The following HMCN2 variants were observed in gnomAD, a reference collection of about 807,000 sequenced individuals.
HMCN2 encodes the protein hemicentin-2.
HMCN2 carries 325 observed loss-of-function variants against 377.5 expected under a neutral mutation model. The ratio of observed to expected loss-of-function variants is 0.86; its 90% CI spans 0.79 to 0.94. The LOEUF (loss-of-function observed/expected upper bound fraction) is 0.94, where lower values mean the gene tolerates loss of function less well. HMCN2 is among the 40% of genes least tolerant of loss of function. HMCN2 has a pLI of 0.00. For synonymous variants in HMCN2, 2,007 were observed against 2,046.8 expected, an observed-to-expected ratio of 0.98 and a Z score of 0.53; for missense variants, 4,543 against 4,725.3, an observed-to-expected ratio of 0.96 and a Z score of 1.13.
chr9:130,387,058 C>T (rs1588368207), intron 61 of HMCN2, among the ~76,000 whole-genome samples: 1 of 152,186 alleles, frequency 6.6e-6, no homozygotes, highest in African/African-American at 2.4e-5. Flanking sequence ...ATGAAGGAGC[C>T]CTATGAGATC....
rs1309820367 is a variant in HMCN2, at chr9:130,344,171, T to A, written c.3829+1735T>A. On this transcript the variant is annotated intron_variant, in intron 25 of 97. Transcript: ENST00000683500. ...ACCATCACCCCTCCCGACCTGCAGC[T>A]CGGAAGGCCTGGCCCCCGGCGTGGC... Among the ~76,000 whole-genome samples, 10 of 152,220 alleles carry A rather than the reference T, an allele frequency of 6.6e-5. No individual in the cohort carries two copies. The South Asian group carries it at 1.0e-3, about 16-fold the overall frequency.
chr9:130,395,479 G>T, intron 71 of HMCN2, 132 bp downstream of exon 71: 3 of 747,084 alleles, frequency 4.0e-6, no homozygotes, highest in Non-Finnish European at 5.5e-6. Context: ...CCTGTTCCCC[G>T]GGTGTCATAC....
Position 130,364,829 on chromosome 9 carries a change from C to T in HMCN2, c.6348C>T (p.Asp2116=), listed in dbSNP as rs975767525. The change falls in exon 41 of 98, where the codon GAC becomes GAT. Residue 2116 remains aspartate (D), a synonymous_variant. Coordinates refer to ENST00000683500, the MANE Select transcript of HMCN2 (RefSeq NM_001291815.2). ...CTCCTGTGCTGAGCTGGTGGAAGGACGGGCGGCCCCTGGAACCACGGCCTG... is the reference window on the plus strand; with the variant it reads ...CTCCTGTGCTGAGCTGGTGGAAGGATGGGCGGCCCCTGGAACCACGGCCTG... ...MPPPVLSWWK[D]GRPLEPRPGV... The T allele has an allele frequency of 2.0e-5, 20 of 985,902 alleles. No homozygotes were observed. The highest frequency in any genetic ancestry group is 4.7e-5 in the South Asian group (1 of 21,290). 61.1% of individuals were successfully genotyped at this position (985,902 alleles called of 1,614,324 possible).
intron 19 of HMCN2, among the ~76,000 whole-genome samples, chr9:130,322,943 G>A (rs1458095760): frequency 3.3e-5 from 5 of 152,298 alleles, no homozygotes; most frequent in Admixed American, 6.5e-5. Context: ...GGAAGAACGC[G>A]CGTTCCCCAT....
In HMCN2 at chr9:130,357,995, G is replaced by GC; in HGVS notation, c.5580+8dup. ...CTTTGGGGGGAACCTACAGGTATGT[G>GC]CAGGGGCCCCAGGGCTGGCAAGCCA... On this transcript the variant is annotated splice_region_variant and intron_variant, in intron 35 of 97. Coordinates refer to ENST00000683500, the MANE Select transcript of HMCN2 (RefSeq NM_001291815.2). 7.7e-7 allele frequency: 1 copy of GC among 1,301,030 alleles called. No homozygotes were observed. The highest frequency in any genetic ancestry group is 1.2e-5 in the South Asian group (1 of 80,814). 80.6% of individuals were successfully genotyped at this position (1,301,030 alleles called of 1,614,324 possible). A position where few individuals can be genotyped will look rare whatever the true frequency, so the allele number is the denominator to read the frequency against.
At position 130,303,472 on chromosome 9, in the gene HMCN2, G is replaced by A. The variant is rs1554935282; in HGVS notation, c.1422-15G>A. ...TCAGTGTGATTGTGTGTCTCCCACT[G>A]TTCCCTGTTTGCAGGGAGTCGGGAA... On this transcript the variant is annotated splice_polypyrimidine_tract_variant and intron_variant, in intron 9 of 97. Transcript: ENST00000683500. This position sits in a 1 kb window ranked among gnomAD's most constrained non-coding sequence, Gnocchi z 5.2. The A allele has an allele frequency of 9.0e-6, 4 of 446,838 alleles. No homozygotes were observed. The highest frequency in any genetic ancestry group is 3.3e-4 in the Middle Eastern group (1 of 3,008). The allele number at this position is 446,838 out of a possible 1,614,324, so 27.7% of individuals were successfully genotyped here.
intron 43 of HMCN2, among the ~76,000 whole-genome samples, chr9:130,367,185 AG>A (rs1221593794): frequency 6.6e-6 from 1 of 152,138 alleles, no homozygotes; most frequent in Non-Finnish European, 1.5e-5. Flanking sequence ...GGGAGACCCC[AG>A]GGGCAGATAT....
chr9:130,408,087 T>C (rs1012584910), intron 83 of HMCN2, among the ~76,000 whole-genome samples: 1 of 152,152 alleles, frequency 6.6e-6, no homozygotes, highest in African/African-American at 2.4e-5. Context: ...CAGCCAGTTG[T>C]CCCCTATGAC....
Position 130,380,024 on chromosome 9 carries a change from C to T in HMCN2, c.8431+557C>T, listed in dbSNP as rs369240053. Among the ~76,000 whole-genome samples the T allele has an allele frequency of 1.7e-3, 254 of 152,168 alleles. 1 individual carries two copies. Among genetic ancestry groups the T allele is most frequent in the African/African-American group, 5.3e-3 (222 of 41,526 alleles). On this transcript the variant is annotated intron_variant, in intron 54 of 97. Transcript: ENST00000683500. Reference sequence around the variant, plus strand: ...CCAAGTAGCTGGGATTACAGGCATGCGCCACCACGCCTGGCTACTTTTTGT... The same window carrying T: ...CCAAGTAGCTGGGATTACAGGCATGTGCCACCACGCCTGGCTACTTTTTGT...
At chr9:130,374,226 G>T (rs770224863) in intron 48 of HMCN2, among the ~76,000 whole-genome samples, 2 of 151,802 alleles carry the variant, frequency 1.3e-5, no homozygotes, top group Non-Finnish European at 2.9e-5. Flanking sequence ...TGGGTGGTGT[G>T]TGGGTGGGTG....
rs562169222 is a variant in HMCN2 at position 130,348,601 on chromosome 9, C to A, written c.4081C>A (p.Gln1361Lys). Reference sequence around the variant, plus strand: ...GGCCAACGTGTCGGGTATGGCCGGGCAGTCCCTGACGCTGGAGTGTGACGC... The same window carrying A: ...GGCCAACGTGTCGGGTATGGCCGGGAAGTCCCTGACGCTGGAGTGTGACGC... ...RKANVSGMAG[Q>K]SLTLECDANG... The change falls in exon 27 of 98, where the codon CAG (glutamine) becomes AAG (lysine). Residue 1361 changes from glutamine to lysine, a missense_variant. This residue lies in a region of HMCN2 where 1,032 missense variants were observed against 1,285.1 expected (regional missense o/e 0.80). Transcript: ENST00000683500. The A allele has an allele frequency of 3.8e-6, 5 of 1,304,254 alleles. No individual in the cohort carries two copies. Among genetic ancestry groups the A allele is most frequent in the Middle Eastern group, 4.3e-4 (2 of 4,696 alleles). The allele number at this position is 1,304,254 out of a possible 1,614,324, so 80.8% of individuals were successfully genotyped here.
chr9:130,311,976 G>A (rs1049043492), intron 15 of HMCN2, among the ~76,000 whole-genome samples: 7 of 152,190 alleles, frequency 4.6e-5, no homozygotes, highest in South Asian at 2.1e-4. Flanking sequence ...AACACGAGCC[G>A]GCGCTTCTAG....
intron 22 of HMCN2, among the ~76,000 whole-genome samples, chr9:130,332,167 G>T (rs1838463712): frequency 6.6e-6 from 1 of 152,230 alleles, no homozygotes; most frequent in South Asian, 2.1e-4. Flanking sequence ...GATCCTCAAA[G>T]CCCTTGTTGG....
At chr9:130,395,162 G>A (rs1263694256) in intron 70 of HMCN2, 49 bp from the exon 71 acceptor site, 1 of 1,281,164 alleles carries the variant, frequency 7.8e-7, no homozygotes, top group South Asian at 1.3e-5. Flanking sequence ...CGGGCTCGCG[G>A]CAGGGGTGAG....
rs1265966350 is a variant in HMCN2 at position 130,422,481 on chromosome 9, A to G, written c.13232-96A>G. On this transcript the variant is annotated intron_variant, in intron 86 of 97. Coordinates refer to ENST00000683500, the MANE Select transcript of HMCN2 (RefSeq NM_001291815.2). The surrounding 1 kb of genome is among the most constrained non-coding windows in gnomAD (Gnocchi z 4.2). ...GTGGAGGTGAACTCTCCGAGCCTCC[A>G]TTTACTCCTTCACGAAATGGGAATG... 3.9e-6 allele frequency: 4 copies of G among 1,015,402 alleles called. No individual in the cohort carries two copies. Among genetic ancestry groups the G allele is most frequent in the Admixed American group, 8.5e-5 (2 of 23,502 alleles). 62.9% of individuals were successfully genotyped at this position (1,015,402 alleles called of 1,614,324 possible). A position where few individuals can be genotyped will look rare whatever the true frequency, so the allele number is the denominator to read the frequency against.
chr9:130,360,606 T>C lies in HMCN2; in HGVS notation c.5950+2T>C, dbSNP rs1205483158. On this transcript the variant is annotated splice_donor_variant, in intron 38 of 97. Coordinates refer to ENST00000683500, the MANE Select transcript of HMCN2 (RefSeq NM_001291815.2). LOFTEE classifies it high-confidence loss of function. The surrounding 1 kb of genome is among the most constrained non-coding windows in gnomAD (Gnocchi z 4.7). ...TGCGGTATGGCCTACGGGTCAATGG[T>C]GAGCTTCCCTGGGCCTACAAGGTCC... The C allele has an allele frequency of 7.8e-7, 1 of 1,283,930 alleles. No individual in the cohort carries two copies. Among genetic ancestry groups the C allele is most frequent in the Non-Finnish European group, 1.0e-6 (1 of 976,266 alleles). 79.5% of individuals were successfully genotyped at this position (1,283,930 alleles called of 1,614,324 possible). A position where few individuals can be genotyped will look rare whatever the true frequency, so the allele number is the denominator to read the frequency against.
In HMCN2 at chr9:130,393,832, T is replaced by C; in HGVS notation, c.10325T>C (p.Val3442Ala). The C allele has an allele frequency of 7.8e-7, 1 of 1,289,360 alleles. No individual in the cohort carries two copies. The highest frequency in any genetic ancestry group is 1.0e-6 in the Non-Finnish European group (1 of 988,670). 79.9% of individuals were successfully genotyped at this position (1,289,360 alleles called of 1,614,324 possible). A position where few individuals can be genotyped will look rare whatever the true frequency, so the allele number is the denominator to read the frequency against. ...LVELPCEARG[V>A]PLPLVSWMKD... ...GAACTCCCGTGCGAGGCCCGGGGCG[T>C]TCCCCTGCCTCTCGTGTCGTGGATG... The change falls in exon 68 of 98, where the codon GTT (valine) becomes GCT (alanine). Residue 3442 changes from valine (V) to alanine (A), a missense_variant. Coordinates refer to ENST00000683500, the MANE Select transcript of HMCN2 (RefSeq NM_001291815.2). The surrounding 1 kb of genome is among the most constrained non-coding windows in gnomAD (Gnocchi z 5.2).
chr9:130,278,420 GGCC>G (rs1834918078), intron 1 of HMCN2, among the ~76,000 whole-genome samples: 1 of 150,000 alleles, frequency 6.7e-6, no homozygotes, highest in Non-Finnish European at 1.5e-5. Context: ...CACCGCGCCC[GGCC>G]GCCATCATTG....
At chr9:130,381,903 T>C (rs1032477469) in intron 54 of HMCN2, among the ~76,000 whole-genome samples, 1 of 152,076 alleles carries the variant, frequency 6.6e-6, no homozygotes, top group African/African-American at 2.4e-5. Flanking sequence ...AGGTTTGCCA[T>C]CTGTAAGATG....
Sources: gnomAD v4.1 joint callset for allele counts (sites outside exome capture counted in the v4.1 genomes callset) on GRCh38, gnomAD v4.1.1 for gene constraint, gnomAD v4.1.1 regional missense constraint, Gnocchi (gnomAD v3.1) non-coding constraint, MANE v1.5 for transcripts, NCBI Gene and HGNC (gene_info 2026-07-23, HGNC 2026-07-21) for gene names.